The following SPATA13 variants were observed in gnomAD, a reference collection of about 807,000 sequenced individuals.
SPATA13 encodes the protein spermatogenesis associated 13.
Under a neutral mutation model 104.0 loss-of-function variants are expected in SPATA13, and 50 were observed. The observed-to-expected ratio is 0.48, with a 90% CI of 0.38 to 0.61. The LOEUF (loss-of-function observed/expected upper bound fraction) is 0.61. Among genes scored for constraint, SPATA13 ranks in the 20% least tolerant of loss-of-function variants. The probability of loss-of-function intolerance (pLI) is 0.00; values close to 1 mark genes in which losing one functional copy is unlikely to be tolerated. For missense variants in SPATA13, 1,524 were observed against 1,690.6 expected (o/e 0.90, Z 1.73); for synonymous variants, 606 against 667.5 (o/e 0.91, Z 1.42).
chr13:24,158,437 A>T (rs899456621), upstream of SPATA13, among the ~76,000 whole-genome samples: 1 of 152,198 alleles, frequency 6.6e-6, no homozygotes, highest in East Asian at 1.9e-4. Flanking sequence ...GCTCGTCCTA[A>T]TCTCTGACTT....
chr13:24,197,682 G>A (rs887511375), intron 1 of SPATA13, among the ~76,000 whole-genome samples: 1 of 152,190 alleles, frequency 6.6e-6, no homozygotes, highest in Admixed American at 6.5e-5. Context: ...CCTAGAGAAT[G>A]AAATCAGTTA....
At chr13:24,237,095 C>T (rs374326583) in intron 2 of SPATA13, among the ~76,000 whole-genome samples, 78 of 152,244 alleles carry the variant, frequency 5.1e-4, no homozygotes, top group African/African-American at 1.7e-3. Context: ...GCAGGGCTCA[C>T]GTCTGTAATC....
At chr13:24,018,800 C>A (rs1221883128) in intron 3 of SPATA13, among the ~76,000 whole-genome samples, 1 of 152,188 alleles carries the variant, frequency 6.6e-6, no homozygotes, top group Admixed American at 6.5e-5. Flanking sequence ...TACATTACAG[C>A]ATTTAGGTTC....
chr13:24,138,363 G>A (rs1193871475), intron 3 of SPATA13, among the ~76,000 whole-genome samples: 3 of 151,868 alleles, frequency 2.0e-5, no homozygotes, highest in African/African-American at 7.3e-5. Flanking sequence ...TTCTTGTGAA[G>A]CTTGTACAAA....
intron 3 of SPATA13, among the ~76,000 whole-genome samples, chr13:24,126,908 C>T (rs1290545325): frequency 2.6e-5 from 4 of 152,142 alleles, no homozygotes; most frequent in East Asian, 1.9e-4. Context: ...TTACCCTAAA[C>T]GTTTTCTCTC....
rs1481958936 is a variant in SPATA13, at chr13:23,987,032, T to TGTGTGTGG, written c.-147+3106_-147+3107insGGTGTGTG. Among the ~76,000 whole-genome samples the TGTGTGTGG allele has an allele frequency of 2.2e-4, 33 of 151,646 alleles. No individual in the cohort carries two copies. The East Asian group carries it at 6.2e-3, about 29-fold the overall frequency. On this transcript the variant is annotated intron_variant, in intron 2 of 14. Coordinates refer to the SPATA13 transcript ENST00000424834. ...GTGTGTGTGTGTGTGTGTGTGTGTG[T>TGTGTGTGG]GTGTGTGTTACTACTCCACATGGGG...
chr13:24,124,592 A>G (rs918594490), intron 3 of SPATA13, among the ~76,000 whole-genome samples: 4 of 152,230 alleles, frequency 2.6e-5, no homozygotes, highest in African/African-American at 9.7e-5. Context: ...TCCATCAAAC[A>G]AGTCTAATTG....
chr13:24,115,642 G>C (rs1880808881), intron 3 of SPATA13, among the ~76,000 whole-genome samples: 2 of 152,236 alleles, frequency 1.3e-5, no homozygotes, highest in African/African-American at 4.8e-5. Context: ...GTTGGAGACT[G>C]CTGGTTTACA....
intron 3 of SPATA13, among the ~76,000 whole-genome samples, chr13:24,147,127 A>G (rs925132550): frequency 1.3e-5 from 2 of 152,144 alleles, no homozygotes; most frequent in Non-Finnish European, 2.9e-5. Context: ...TTTTTTTCTT[A>G]CCATCAAGAA....
chr13:24,236,522 G>A (rs749481245), intron 2 of SPATA13, among the ~76,000 whole-genome samples: 1 of 151,314 alleles, frequency 6.6e-6, no homozygotes, highest in Non-Finnish European at 1.5e-5. Flanking sequence ...CTTGAACCCA[G>A]GCGGCGGAGG....
intron 1 of SPATA13, among the ~76,000 whole-genome samples, chr13:24,221,464 G>C (rs1871582309): frequency 6.9e-6 from 1 of 144,982 alleles, no homozygotes; most frequent in African/African-American, 2.5e-5. Context: ...GTCTTGGCCT[G>C]ATGGGAAAGG....
intron 2 of SPATA13, among the ~76,000 whole-genome samples, chr13:24,246,302 G>A (rs764822341): frequency 6.6e-6 from 1 of 151,906 alleles, no homozygotes; most frequent in South Asian, 2.1e-4. Context: ...CATTTGATTC[G>A]GTAATTTAAA....
chr13:24,138,486 G>A lies in SPATA13; in HGVS notation c.-111-84333G>A, dbSNP rs553906034. ...GCTACTTTAATAAAGGAACTGCTGC[G>A]TTGGTTTTATAAAATACATTTCTTT... On this transcript the variant is annotated intron_variant, in intron 3 of 14. Coordinates refer to the SPATA13 transcript ENST00000424834. 7.9e-5 allele frequency among the ~76,000 whole-genome samples: 12 copies of A among 152,228 alleles called. 1 individual carries two copies. The highest frequency in any genetic ancestry group is 3.9e-4 in the East Asian group (2 of 5,192).
At chr13:24,235,412 C>T (rs781571465) in intron 2 of SPATA13, among the ~76,000 whole-genome samples, 12 of 152,026 alleles carry the variant, frequency 7.9e-5, no homozygotes, top group Non-Finnish European at 8.8e-5. Context: ...GGAGGCATGC[C>T]GGAAAGAGAG....
At chr13:24,245,959 C>G (rs928985517) in intron 2 of SPATA13, among the ~76,000 whole-genome samples, 2 of 152,074 alleles carry the variant, frequency 1.3e-5, no homozygotes, top group Non-Finnish European at 2.9e-5. Flanking sequence ...GATCCCGAGT[C>G]CTGCCCGCTG....
Position 24,249,599 on chromosome 13 carries a change from C to T in SPATA13, c.1776C>T (p.Asp592=), listed in dbSNP as rs745587832. 6.2e-7 allele frequency: 1 copy of T among 1,614,034 alleles called. No individual in the cohort carries two copies. Among genetic ancestry groups the T allele is most frequent in the African/African-American group, 1.3e-5 (1 of 75,064 alleles). The part of the protein sequence containing the change: ...GRRPRPRPFS[D]YGQLASRSLS... ...GGCCAAGGCCTCGGCCATTCTCTGACTACGGCCAGCTGGCCAGCCGCAGTT... is the reference window on the plus strand; with the variant it reads ...GGCCAAGGCCTCGGCCATTCTCTGATTACGGCCAGCTGGCCAGCCGCAGTT... Residue 592 remains aspartate, a synonymous_variant, in exon 3 of 13, where the codon GAC becomes GAT. Transcript: ENST00000382108.
At chr13:24,238,939 T>C (rs942098312) in intron 2 of SPATA13, among the ~76,000 whole-genome samples, 1 of 152,202 alleles carries the variant, frequency 6.6e-6, no homozygotes, top group African/African-American at 2.4e-5. Flanking sequence ...TTGCCTTTCC[T>C]TTGTGATGGC....
intron 2 of SPATA13, among the ~76,000 whole-genome samples, chr13:24,005,387 A>C (rs139673857): frequency 0.017 from 2,600 of 152,332 alleles, 23 homozygotes; most frequent in South Asian, 0.031. Context: ...CTTAGACCAC[A>C]GAAGCAGCTC....
chr13:24,238,912 G>A (rs977321556), intron 2 of SPATA13, among the ~76,000 whole-genome samples: 4 of 152,102 alleles, frequency 2.6e-5, no homozygotes, highest in African/African-American at 7.2e-5. Flanking sequence ...GAAGCACTAC[G>A]GGTGCTCCTT....
Sources: allele counts gnomAD v4.1 joint callset (sites outside exome capture counted in the v4.1 genomes callset), GRCh38; gene constraint gnomAD v4.1.1; transcripts MANE v1.5; gene names NCBI Gene and HGNC (gene_info 2026-07-23, HGNC 2026-07-21).